ELAPOR1: variants seen among roughly 807,000 people sequenced by gnomAD.
ELAPOR1 encodes the protein endosome/lysosome-associated apoptosis and autophagy regulator 1.
In ELAPOR1, 77 loss-of-function variants were observed where a neutral mutation model predicts 119.7. That is an observed-to-expected ratio of 0.64 (90% confidence interval 0.54 to 0.78). The LOEUF is 0.78. Ranked by LOEUF, ELAPOR1 falls within the 30% of genes least tolerant of loss-of-function variation. ELAPOR1 has a pLI of 0.00. For synonymous variants in ELAPOR1, 481 were observed against 487.2 expected (o/e 0.99, Z 0.17); for missense variants, 1,115 against 1,270.4 (o/e 0.88, Z 1.86).
intron 1 of ELAPOR1, among the ~76,000 whole-genome samples, chr1:109,123,535 A>G (rs1337303683): frequency 6.6e-6 from 1 of 152,232 alleles, no homozygotes; most frequent in African/African-American, 2.4e-5. Flanking sequence ...GGAAAAGCAT[A>G]CAAAGTGTTG....
At chr1:109,177,469 C>G (rs1235955543) in intron 7 of ELAPOR1, among the ~76,000 whole-genome samples, 1 of 130,844 alleles carries the variant, frequency 7.6e-6, no homozygotes, top group Non-Finnish European at 1.6e-5. Context: ...GGTGGCCGGG[C>G]AGAGACGCTC....
chr1:109,121,362 G>T (rs1648402841), intron 1 of ELAPOR1, among the ~76,000 whole-genome samples: 1 of 152,076 alleles, frequency 6.6e-6, no homozygotes, highest in Admixed American at 6.6e-5. Context: ...GGCTACACTG[G>T]TCTCGAACTC....
chr1:109,119,199 A>ATTT (rs577249345), intron 1 of ELAPOR1, among the ~76,000 whole-genome samples: 1 of 119,650 alleles, frequency 8.4e-6, no homozygotes. Context: ...ACCTGGCCTA[A>ATTT]TTTTTTTTTT....
rs201708708 is a variant in ELAPOR1 at position 109,171,962 on chromosome 1, C to A, written c.564C>A (p.Thr188=). Residue 188 remains threonine, a synonymous_variant, in exon 4 of 22, where the codon ACC becomes ACA. Transcript: ENST00000369939. ...CCGTCAACCTGAAGCAATCTGGCAC[C>A]GTTAACTTCGAATACTACTATCCAG... The part of the protein sequence containing the change: ...MYAVNLKQSG[T]VNFEYYYPDS... 2 of 1,614,032 alleles carry A rather than the reference C, an allele frequency of 1.2e-6. No homozygotes were observed. Among genetic ancestry groups the A allele is most frequent in the African/African-American group, 2.7e-5 (2 of 74,914 alleles).
chr1:109,174,504 G>T (rs1485937984), intron 7 of ELAPOR1, among the ~76,000 whole-genome samples: 1 of 144,110 alleles, frequency 6.9e-6, no homozygotes, highest in East Asian at 2.1e-4. Flanking sequence ...TATGTGCTTG[G>T]AATACGTCAG....
chr1:109,120,069 G>A (rs1430731602), intron 1 of ELAPOR1, among the ~76,000 whole-genome samples: 2 of 152,080 alleles, frequency 1.3e-5, no homozygotes, highest in Admixed American at 6.6e-5. Context: ...CCTTTGGGAG[G>A]TGATTATATC....
intron 1 of ELAPOR1, among the ~76,000 whole-genome samples, chr1:109,126,183 C>A (rs1422490196): frequency 6.6e-6 from 1 of 152,136 alleles, no homozygotes; most frequent in South Asian, 2.1e-4. Flanking sequence ...TGAGAGCAGG[C>A]CTTTCTGAGG....
intron 7 of ELAPOR1, among the ~76,000 whole-genome samples, chr1:109,177,145 CCGGG>C (rs1652350538): frequency 6.7e-6 from 1 of 149,986 alleles, no homozygotes; most frequent in African/African-American, 2.5e-5. Context: ...AGGGTGGTGG[CCGGG>C]CAGAGGGGCT....
At position 109,142,561 on chromosome 1, in the gene ELAPOR1, G is replaced by A. The variant is rs146950051; in HGVS notation, c.154-19333G>A. On this transcript the variant is annotated intron_variant, in intron 1 of 21. Transcript: ENST00000369939. ...TACAAGTGTACGCTGGTCCACAGCC[G>A]GGCACTGTCCTGATGGAAAGAGGAT... Among the ~76,000 whole-genome samples the A allele has an allele frequency of 1.8e-3, 277 of 152,296 alleles. 2 individuals are homozygous for A. The highest frequency in any genetic ancestry group is 0.016 in the Admixed American group (249 of 15,292).
At position 109,200,041 on chromosome 1, in the gene ELAPOR1, T is replaced by C. The variant is rs777195586; in HGVS notation, c.2629-18T>C. 8 of 1,613,028 alleles carry C rather than the reference T, an allele frequency of 5.0e-6. No individual in the cohort carries two copies. In the South Asian group the frequency reaches 8.8e-5, roughly 18 times the overall value. ...AAGGGAATGGGAGATCTGAGTTCCT[T>C]GTTTTTCTCCCCAACAGAAGACTAC... On this transcript the variant is annotated intron_variant, in intron 19 of 21. Transcript: ENST00000369939.
chr1:109,193,792 C>A (rs1653600444), intron 14 of ELAPOR1, among the ~76,000 whole-genome samples: 2 of 152,192 alleles, frequency 1.3e-5, no homozygotes, highest in African/African-American at 4.8e-5. Context: ...CTCCTGGCAA[C>A]CTCTTTCGGG....
chr1:109,151,399 T>A (rs1650522188), intron 1 of ELAPOR1, among the ~76,000 whole-genome samples: 1 of 152,140 alleles, frequency 6.6e-6, no homozygotes, highest in African/African-American at 2.4e-5. Context: ...ATGGGAAACG[T>A]CCTCTTCCCT....
chr1:109,169,930 T>C (rs1195364071), intron 3 of ELAPOR1, among the ~76,000 whole-genome samples: 1 of 152,170 alleles, frequency 6.6e-6, no homozygotes, highest in Non-Finnish European at 1.5e-5. Flanking sequence ...ACAATCCAAA[T>C]GTCCATCAAC....
rs561948557 is a variant in ELAPOR1 at position 109,195,914 on chromosome 1, T to C, written c.2121+1320T>C. Among the ~76,000 whole-genome samples the C allele has an allele frequency of 2.0e-5, 3 of 152,286 alleles. No individual in the cohort carries two copies. In the East Asian group the frequency reaches 5.8e-4, roughly 29 times the overall value. ...GCTCACGCCTGTAATCCCAGCAATT[T>C]GGAGGCCAAGGCAGGCAGATCACCT... On this transcript the variant is annotated intron_variant, in intron 15 of 21. Transcript: ENST00000369939.
In ELAPOR1 at chr1:109,191,775, A is replaced by G. The variant is rs1305164792; in HGVS notation, c.1595A>G (p.Lys532Arg). 1 of 1,614,202 alleles carries G rather than the reference A, an allele frequency of 6.2e-7. No homozygotes were observed. Among genetic ancestry groups the G allele is most frequent in the Non-Finnish European group, 8.5e-7 (1 of 1,180,038 alleles). The change falls in exon 13 of 22, where the codon AAA becomes AGA. Residue 532 changes from lysine (K) to arginine (R), a missense_variant. Coordinates refer to ENST00000369939, the MANE Select transcript of ELAPOR1 (RefSeq NM_020775.5). ...NTPVETWKGSKGKQSYTYIIE... is the reference protein window; with the variant it reads ...NTPVETWKGSRGKQSYTYIIE... Reference sequence around the variant, plus strand: ...CCTGTGGAGACGTGGAAAGGTTCCAAAGGCAAACAGTCCTATACCTACATC... The same window carrying G: ...CCTGTGGAGACGTGGAAAGGTTCCAGAGGCAAACAGTCCTATACCTACATC...
chr1:109,117,012 T>C (rs1648056997), intron 1 of ELAPOR1, among the ~76,000 whole-genome samples: 1 of 152,064 alleles, frequency 6.6e-6, no homozygotes, highest in Non-Finnish European at 1.5e-5. Flanking sequence ...TTCTTAATCT[T>C]CATACGAATT....
intron 15 of ELAPOR1, among the ~76,000 whole-genome samples, chr1:109,196,779 T>C (rs1401172580): frequency 6.6e-6 from 1 of 152,028 alleles, no homozygotes; most frequent in African/African-American, 2.4e-5. Context: ...GCCTCCCAGG[T>C]TGAAGCGATT....
Position 109,197,473 on chromosome 1 carries a change from G to A in ELAPOR1, c.2122-1G>A. 6.2e-7 allele frequency: 1 copy of A among 1,613,690 alleles called. No individual in the cohort carries two copies. The highest frequency in any genetic ancestry group is 8.5e-7 in the Non-Finnish European group (1 of 1,179,720). ...CTTCTTCCTCCCCACTCCCCAACCAGGGTAGGAAAATGTCTGTGTGCACCG... is the reference window on the plus strand; with the variant it reads ...CTTCTTCCTCCCCACTCCCCAACCAAGGTAGGAAAATGTCTGTGTGCACCG... On this transcript the variant is annotated splice_acceptor_variant, in intron 15 of 21. Coordinates refer to ENST00000369939, the MANE Select transcript of ELAPOR1 (RefSeq NM_020775.5). LOFTEE classifies it high-confidence loss of function.
chr1:109,178,305 C>G (rs1164104825), intron 7 of ELAPOR1, among the ~76,000 whole-genome samples: 1 of 152,176 alleles, frequency 6.6e-6, no homozygotes, highest in Non-Finnish European at 1.5e-5. Context: ...GCCACTGCAC[C>G]TGGCCAGTGA....
Sources: allele counts gnomAD v4.1 joint callset (sites outside exome capture counted in the v4.1 genomes callset), GRCh38; gene constraint gnomAD v4.1.1; transcripts MANE v1.5; gene names NCBI Gene and HGNC (gene_info 2026-07-23, HGNC 2026-07-21).